Variants in CNOT1 observed in about 807,000 individuals in gnomAD.
CNOT1 encodes CCR4-NOT transcription complex subunit 1.
A neutral mutation model predicts 273.8 loss-of-function variants in CNOT1; 15 were observed. The ratio of observed to expected loss-of-function variants is 0.05; its 90% CI spans 0.04 to 0.08. CNOT1 has a LOEUF of 0.08. Ranked by LOEUF, CNOT1 falls within the 10% of genes least tolerant of loss-of-function variation. CNOT1 has a pLI of 1.00. For missense variants in CNOT1, 1,644 were observed against 2,912.2 expected, an observed-to-expected ratio of 0.56 and a Z score of 10.02; for synonymous variants, 1,022 against 1,005.5, an observed-to-expected ratio of 1.02 and a Z score of -0.31.
At chr16:58,551,011 C>A in intron 24 of CNOT1, 121 bp downstream of exon 24, 2 of 1,505,676 alleles carry the variant, frequency 1.3e-6, no homozygotes, top group South Asian at 2.7e-5. Flanking sequence ...GTTAAATATA[C>A]ATATTCCCTT....
intron 1 of CNOT1, among the ~76,000 whole-genome samples, chr16:58,629,386 C>G (rs1597643130): frequency 6.6e-6 from 1 of 152,208 alleles, no homozygotes; most frequent in East Asian, 1.9e-4. Context: ...CGCGCGAAGC[C>G]AGGCCCAGCG....
intron 1 of CNOT1, among the ~76,000 whole-genome samples, chr16:58,628,614 A>AC (rs56843816): frequency 6.6e-5 from 10 of 151,638 alleles, no homozygotes; most frequent in African/African-American, 2.2e-4. Flanking sequence ...AAAAAAAAAA[A>AC]CCCAAGTAGT....
rs1338895344 is a variant in CNOT1, at chr16:58,555,708, T to C, written c.2604+76A>G. The C allele has an allele frequency of 3.1e-6, 5 of 1,589,834 alleles. No individual in the cohort carries two copies. In the Admixed American group the frequency reaches 7.1e-5, roughly 23 times the overall value. ...TATATCAGGGCACTTTGAGCTGGAT[T>C]TCTAAAAACATTGAAAAGGACATTT... On this transcript the variant is annotated intron_variant, in intron 20 of 48. Transcript: ENST00000317147.
intron 16 of CNOT1, among the ~76,000 whole-genome samples, chr16:58,561,856 C>G (rs913676995): frequency 5.3e-5 from 8 of 152,104 alleles, no homozygotes; most frequent in African/African-American, 1.9e-4. Flanking sequence ...TTGCCTCATA[C>G]AACTATGGGG....
intron 44 of CNOT1, among the ~76,000 whole-genome samples, chr16:58,527,029 G>A (rs1439527807): frequency 1.1e-4 from 16 of 151,754 alleles, no homozygotes; most frequent in East Asian, 1.9e-4. Flanking sequence ...GCAAAACAAC[G>A]AGACCCCTGT....
chr16:58,537,346 C>G (rs1334567049), intron 38 of CNOT1, 126 bp from the exon 39 acceptor site: 9 of 1,362,558 alleles, frequency 6.6e-6, no homozygotes, highest in Non-Finnish European at 8.7e-6. Flanking sequence ...TTTACCACTT[C>G]CACACTGAAA....
chr16:58,576,360 C>T (rs143962012), intron 14 of CNOT1, 103 bp downstream of exon 14: 1 of 1,528,944 alleles, frequency 6.5e-7, no homozygotes, highest in Non-Finnish European at 8.9e-7. Context: ...ATCCGCCCAC[C>T]TCAGCCTCCC....
At chr16:58,590,776 TA>T (rs1161944317) in intron 2 of CNOT1, among the ~76,000 whole-genome samples, 1 of 151,940 alleles carries the variant, frequency 6.6e-6, no homozygotes, top group Non-Finnish European at 1.5e-5. Flanking sequence ...CAATAAAAAA[TA>T]AAACAAAAAA....
rs368992232 is a variant in CNOT1 at position 58,574,777 on chromosome 16, T to A, written c.1828-17A>T. On this transcript the variant is annotated splice_polypyrimidine_tract_variant and intron_variant, in intron 15 of 48. Transcript: ENST00000317147. ...AAAAGGCTCCTGAAGAATAGAAAAG[T>A]CTCTCAGTGTATTTAAAATTGATCT... 75 of 1,585,476 alleles carry A rather than the reference T, an allele frequency of 4.7e-5. No homozygotes were observed. The highest frequency in any genetic ancestry group is 6.1e-5 in the Non-Finnish European group (72 of 1,173,890).
chr16:58,628,116 C>CCG (rs1459627081), intron 1 of CNOT1, among the ~76,000 whole-genome samples: 3 of 152,218 alleles, frequency 2.0e-5, no homozygotes, highest in Non-Finnish European at 4.4e-5. Flanking sequence ...GCGTGAGCCA[C>CCG]CGCGCCCAGT....
chr16:58,545,573 T>C (rs1307904533), intron 29 of CNOT1, 82 bp from the exon 30 acceptor site: 1 of 1,572,598 alleles, frequency 6.4e-7, no homozygotes, highest in Non-Finnish European at 8.6e-7. Context: ...CATTAAGTGG[T>C]CATTATCTAA....
At chr16:58,582,231 G>A (rs938709226) in intron 10 of CNOT1, among the ~76,000 whole-genome samples, 3 of 152,122 alleles carry the variant, frequency 2.0e-5, no homozygotes, top group African/African-American at 7.2e-5. Flanking sequence ...GCCAGAGGGT[G>A]CAGTGAGCTG....
At chr16:58,621,885 T>C (rs192516726) in intron 1 of CNOT1, among the ~76,000 whole-genome samples, 1,784 of 127,852 alleles carry the variant, frequency 0.014, 40 homozygotes, top group African/African-American at 0.051. Context: ...CACTCCAGCC[T>C]GGGCGACGGA....
intron 16 of CNOT1, among the ~76,000 whole-genome samples, chr16:58,567,786 C>T (rs1050226238): frequency 4.6e-5 from 7 of 152,152 alleles, no homozygotes; most frequent in African/African-American, 1.7e-4. Context: ...TAGAAGCTGA[C>T]AGCCCTCAAT....
chr16:58,541,580 T>G lies in CNOT1; in HGVS notation c.4721A>C (p.Glu1574Ala). 6.2e-7 allele frequency: 1 copy of G among 1,614,100 alleles called. No homozygotes were observed. The highest frequency in any genetic ancestry group is 8.5e-7 in the Non-Finnish European group (1 of 1,179,958). Residue 1574 changes from glutamate (E) to alanine (A), a missense_variant, in exon 34 of 49, where the codon GAG (glutamate) becomes GCG (alanine). Coordinates refer to ENST00000317147, the MANE Select transcript of CNOT1 (RefSeq NM_016284.5). ...VDPKQLAVYE[E>A]FARNVPGFLP... ...GAAGCCAGGAACATTGCGTGCAAACTCTTCGTAAACAGCCAACTGCTTTGG... is the reference window on the plus strand; with the variant it reads ...GAAGCCAGGAACATTGCGTGCAAACGCTTCGTAAACAGCCAACTGCTTTGG...
chr16:58,563,187 C>A (rs1235162347), intron 16 of CNOT1, among the ~76,000 whole-genome samples: 1 of 152,132 alleles, frequency 6.6e-6, no homozygotes, highest in Non-Finnish European at 1.5e-5. Flanking sequence ...GTATATGGGA[C>A]CACATATACA....
rs61153626 is a variant in CNOT1 at position 58,607,739 on chromosome 16, G to GA, written c.-174-8229dup. Among the ~76,000 whole-genome samples the GA allele has an allele frequency of 3.7e-4, 36 of 97,448 alleles. 1 individual carries two copies. The highest frequency in any genetic ancestry group is 1.5e-3 in the African/African-American group (35 of 23,038). 63.9% of individuals were successfully genotyped at this position (97,448 alleles called of 152,430 possible). On this transcript the variant is annotated intron_variant, in intron 1 of 48. Coordinates refer to ENST00000317147, the MANE Select transcript of CNOT1 (RefSeq NM_016284.5). ...CAAAACTCAAAAAAAAAAAAAAAAA[G>GA]AAAGAAAGAAAGAAAAGGGCTATCT...
At chr16:58,602,403 G>A (rs1042881250) in intron 1 of CNOT1, among the ~76,000 whole-genome samples, 2 of 151,782 alleles carry the variant, frequency 1.3e-5, no homozygotes, top group Non-Finnish European at 2.9e-5. Context: ...AAAACCATCT[G>A]TAGGCCGGGT....
chr16:58,607,878 A>G (rs2042744732), intron 1 of CNOT1, among the ~76,000 whole-genome samples: 1 of 152,006 alleles, frequency 6.6e-6, no homozygotes, highest in Non-Finnish European at 1.5e-5. Context: ...ATGATTGAAA[A>G]TTTTAAGAAA....
Sources: gnomAD v4.1 joint callset for allele counts (sites outside exome capture counted in the v4.1 genomes callset) on GRCh38, gnomAD v4.1.1 for gene constraint, MANE v1.5 for transcripts, NCBI Gene and HGNC (gene_info 2026-07-23, HGNC 2026-07-21) for gene names.